The following RBM20 variants were observed in gnomAD, a reference collection of about 807,000 sequenced individuals.
The protein encoded by RBM20 is RNA binding motif protein 20, also known as RNA-binding protein 20.
RBM20 carries 51 observed loss-of-function variants against 110.1 expected under a neutral mutation model. The observed-to-expected ratio is 0.46, with a 90% confidence interval of 0.37 to 0.59. The LOEUF (loss-of-function observed/expected upper bound fraction) is 0.59. RBM20 is among the 20% of genes least tolerant of loss of function. The probability of loss-of-function intolerance (pLI) is 0.00; values close to 1 mark genes in which losing one functional copy is unlikely to be tolerated. For missense variants in RBM20, 1,512 were observed against 1,574.9 expected (o/e 0.96, Z 0.68); for synonymous variants, 589 against 618.2 (o/e 0.95, Z 0.70).
At chr10:110,648,717 G>GC (rs1382061794) in intron 1 of RBM20, among the ~76,000 whole-genome samples, 1 of 151,956 alleles carries the variant, frequency 6.6e-6, no homozygotes, top group Non-Finnish European at 1.5e-5. Flanking sequence ...GAAGAAAAGG[G>GC]GGGGGTGCTA....
rs575652013 is a variant in RBM20, at chr10:110,830,260, C to T, written c.3452-801C>T. ...GAGGCTGGAGCAGCCACCATCCCTTCAAGGATGACTCCCCTGGCTGTGACA... is the reference window on the plus strand; with the variant it reads ...GAGGCTGGAGCAGCCACCATCCCTTTAAGGATGACTCCCCTGGCTGTGACA... On this transcript the variant is annotated intron_variant, in intron 12 of 13. Coordinates refer to ENST00000369519, the MANE Select transcript of RBM20 (RefSeq NM_001134363.3). Among the ~76,000 whole-genome samples the T allele has an allele frequency of 2.6e-5, 4 of 152,334 alleles. No homozygotes were observed. The South Asian group carries it at 8.3e-4, about 32-fold the overall frequency.
intron 1 of RBM20, among the ~76,000 whole-genome samples, chr10:110,704,839 T>C (rs183030584): frequency 7.5e-4 from 115 of 152,336 alleles, no homozygotes; most frequent in Admixed American, 6.6e-3. Flanking sequence ...CTTGTCAATG[T>C]TGGTGCCACC....
At chr10:110,797,715 T>C (rs1164617109) in intron 6 of RBM20, 67 bp downstream of exon 6, 1 of 1,480,704 alleles carries the variant, frequency 6.8e-7, no homozygotes, top group South Asian at 1.3e-5. Context: ...GGGAACGATA[T>C]AATTTTTGAA....
intron 1 of RBM20, among the ~76,000 whole-genome samples, chr10:110,768,470 A>G (rs1844140458): frequency 6.6e-6 from 1 of 152,246 alleles, no homozygotes; most frequent in Non-Finnish European, 1.5e-5. Context: ...TTATTTATAA[A>G]GCCCCAATCT....
intron 1 of RBM20, among the ~76,000 whole-genome samples, chr10:110,767,311 C>G (rs1435986207): frequency 8.4e-5 from 12 of 143,458 alleles, no homozygotes; most frequent in Admixed American, 5.4e-4. Context: ...CCCCTCACCT[C>G]CCGGACGGGG....
At chr10:110,667,229 C>T (rs922400351) in intron 1 of RBM20, among the ~76,000 whole-genome samples, 15 of 152,218 alleles carry the variant, frequency 9.9e-5, no homozygotes, top group Admixed American at 9.8e-4. Flanking sequence ...CACCAAGATC[C>T]TAAGAATCCC....
intron 1 of RBM20, among the ~76,000 whole-genome samples, chr10:110,737,049 C>T (rs907799557): frequency 1.8e-4 from 27 of 151,492 alleles, no homozygotes; most frequent in Admixed American, 3.3e-4. Context: ...TGGTGTTGCG[C>T]GCCTGTAATC....
intron 1 of RBM20, among the ~76,000 whole-genome samples, chr10:110,646,263 G>A (rs17827738): frequency 0.22 from 33,422 of 152,156 alleles, 4,626 homozygotes; most frequent in Middle Eastern, 0.34. Context: ...GTAGAAGGGC[G>A]TCTGATTATG....
intron 1 of RBM20, among the ~76,000 whole-genome samples, chr10:110,660,842 A>C (rs559774430): frequency 1.8e-4 from 28 of 152,280 alleles, no homozygotes; most frequent in Non-Finnish European, 3.2e-4. Context: ...ATCATCCCTA[A>C]ACCATCCCTT....
intron 1 of RBM20, among the ~76,000 whole-genome samples, chr10:110,687,392 C>T (rs556086337): frequency 2.0e-5 from 3 of 152,302 alleles, no homozygotes; most frequent in Non-Finnish European, 4.4e-5. Context: ...AAACACTTAA[C>T]TTGTATTTAT....
intron 1 of RBM20, among the ~76,000 whole-genome samples, chr10:110,665,482 T>TG (rs571855566): frequency 1.3e-5 from 2 of 152,292 alleles, no homozygotes; most frequent in African/African-American, 4.8e-5. Context: ...TGGGACATGC[T>TG]GCAGGCCTGG....
intron 1 of RBM20, among the ~76,000 whole-genome samples, chr10:110,713,247 C>T (rs1199520406): frequency 6.6e-6 from 1 of 152,208 alleles, no homozygotes; most frequent in African/African-American, 2.4e-5. Context: ...CCAGGTCTGG[C>T]GTGGCCACAG....
chr10:110,725,640 G>A (rs1276253712), intron 1 of RBM20, among the ~76,000 whole-genome samples: 1 of 152,202 alleles, frequency 6.6e-6, no homozygotes, highest in African/African-American at 2.4e-5. Context: ...AATTGCAGAG[G>A]TGCAGGCTTT....
chr10:110,664,831 C>T (rs1377454708), intron 1 of RBM20, among the ~76,000 whole-genome samples: 1 of 152,110 alleles, frequency 6.6e-6, no homozygotes, highest in Non-Finnish European at 1.5e-5. Context: ...GGGGAACCAA[C>T]TTTCATCCCC....
chr10:110,807,690 T>C (rs759975566), intron 7 of RBM20, among the ~76,000 whole-genome samples: 1 of 152,230 alleles, frequency 6.6e-6, no homozygotes, highest in Non-Finnish European at 1.5e-5. Context: ...CCCACGTCGG[T>C]CTTTCCTGGA....
chr10:110,815,802 G>A (rs558419297), intron 9 of RBM20, among the ~76,000 whole-genome samples: 36 of 152,180 alleles, frequency 2.4e-4, no homozygotes, highest in Admixed American at 7.9e-4. Context: ...ATCTCAGAAA[G>A]CCCCAAGAAT....
intron 1 of RBM20, among the ~76,000 whole-genome samples, chr10:110,724,874 C>T (rs1248394622): frequency 2.0e-5 from 3 of 152,146 alleles, no homozygotes; most frequent in Non-Finnish European, 4.4e-5. Context: ...CTGCCTGCAT[C>T]CCCCTCAGGA....
chr10:110,653,254 AC>A (rs989378353), intron 1 of RBM20, among the ~76,000 whole-genome samples: 2 of 152,158 alleles, frequency 1.3e-5, no homozygotes, highest in Admixed American at 6.5e-5. Flanking sequence ...TATTTCTGCC[AC>A]CCCAATTCCC....
At chr10:110,790,393 G>A (rs191698135) in intron 5 of RBM20, among the ~76,000 whole-genome samples, 1 of 152,266 alleles carries the variant, frequency 6.6e-6, no homozygotes, top group Admixed American at 6.5e-5. Context: ...AAGAGGAGGA[G>A]ACAGGAGACC....
Sources: allele counts gnomAD v4.1 joint callset (sites outside exome capture counted in the v4.1 genomes callset), GRCh38; gene constraint gnomAD v4.1.1; transcripts MANE v1.5; gene names NCBI Gene and HGNC (gene_info 2026-07-23, HGNC 2026-07-21).